UGT1A7: variants seen among roughly 807,000 people sequenced by gnomAD.
UGT1A7 encodes the protein UDP glucuronosyltransferase family 1 member A7, also known as UDP-glucuronosyltransferase 1A7.
A neutral mutation model predicts 45.6 loss-of-function variants in UGT1A7; 33 were observed. The observed-to-expected ratio is 0.72, with a 90% confidence interval of 0.55 to 0.97. UGT1A7 has a LOEUF of 0.97. Ranked by LOEUF, UGT1A7 falls within the 50% of genes least tolerant of loss-of-function variation. UGT1A7 has a pLI of 0.00. For missense variants in UGT1A7, 684 were observed against 666.2 expected, an observed-to-expected ratio of 1.03 and a Z score of -0.29; for synonymous variants, 274 against 250.6, an observed-to-expected ratio of 1.09 and a Z score of -0.88.
intron 1 of UGT1A7, among the ~76,000 whole-genome samples, chr2:233,746,400 G>T (rs1245323229): frequency 6.6e-6 from 1 of 151,734 alleles, no homozygotes. Context: ...GGAGCTGGGA[G>T]TGTGTCCAAT....
At chr2:233,693,800 C>T (rs1424958216) in intron 1 of UGT1A7, 1 of 1,614,174 alleles carries the variant, frequency 6.2e-7, no homozygotes, top group Non-Finnish European at 8.5e-7. Flanking sequence ...ATATCCTAGG[C>T]CGGTCATGCC....
Position 233,747,172 on chromosome 2 carries a change from C to A in UGT1A7, c.856-19862C>A. 9 of 1,596,738 alleles carry A rather than the reference C, an allele frequency of 5.6e-6. No homozygotes were observed. The South Asian group carries it at 1.0e-4, about 18-fold the overall frequency. On this transcript the variant is annotated intron_variant, in intron 1 of 4. Transcript: ENST00000373426. Reference sequence around the variant, plus strand: ...ATGAAGAAAACAAATGTAGGAGGCACAGCGTGGGGTGGACAGTCAGCTGTC... The same window carrying A: ...ATGAAGAAAACAAATGTAGGAGGCAAAGCGTGGGGTGGACAGTCAGCTGTC...
At chr2:233,748,012 G>C (rs911822936) in intron 1 of UGT1A7, 2 of 1,613,354 alleles carry the variant, frequency 1.2e-6, no homozygotes, top group Non-Finnish European at 1.7e-6. Context: ...GATTACCCCA[G>C]GCCGATCATG....
intron 1 of UGT1A7, among the ~76,000 whole-genome samples, chr2:233,758,094 G>A (rs1428723700): frequency 6.6e-6 from 1 of 152,162 alleles, no homozygotes; most frequent in Non-Finnish European, 1.5e-5. Flanking sequence ...CATAGTGACT[G>A]CCATCCAGTA....
At chr2:233,691,154 G>A in intron 1 of UGT1A7, 2 of 985,746 alleles carry the variant, frequency 2.0e-6, no homozygotes, top group Non-Finnish European at 2.4e-6. Flanking sequence ...GTTCTTTGAA[G>A]GAAACCTGCC....
At position 233,725,210 on chromosome 2, in the gene UGT1A7, AGAGGCAGAG is replaced by A. The variant is rs55801126; in HGVS notation, c.856-41813_856-41805del. The stretch of plus-strand genomic sequence containing the variant: ...CAGAGGCAGAGGCAGAGGCAGAGGC[AGAGGCAGAG>A]GAGGCAGAGGCAGAGGAGGCAGAGG... On this transcript the variant is annotated intron_variant, in intron 1 of 4. Transcript: ENST00000373426. 6.2e-4 allele frequency among the ~76,000 whole-genome samples: 55 copies of A among 88,388 alleles called. 3 individuals are homozygous for A. The highest frequency in any genetic ancestry group is 1.8e-3 in the South Asian group (4 of 2,232). 58.0% of individuals were successfully genotyped at this position (88,388 alleles called of 152,430 possible).
At chr2:233,691,426 G>A in intron 1 of UGT1A7, 1 of 985,576 alleles carries the variant, frequency 1.0e-6, no homozygotes, top group South Asian at 4.7e-5. Flanking sequence ...CTCTAATCAT[G>A]TTGCTCAGGC....
chr2:233,718,386 A>T (rs1466849872), intron 1 of UGT1A7, among the ~76,000 whole-genome samples: 1 of 152,240 alleles, frequency 6.6e-6, no homozygotes, highest in East Asian at 1.9e-4. Context: ...AAGAGTTTCA[A>T]GGGTTAGCAA....
At chr2:233,761,196 T>G (rs761284519) in intron 1 of UGT1A7, 1 of 1,614,142 alleles carries the variant, frequency 6.2e-7, no homozygotes. Context: ...TTCTTTCAGA[T>G]GTATTACTTT....
intron 1 of UGT1A7, among the ~76,000 whole-genome samples, chr2:233,742,513 G>C (rs934347498): frequency 6.6e-6 from 1 of 151,822 alleles, no homozygotes; most frequent in Non-Finnish European, 1.5e-5. Context: ...TCATGAACAC[G>C]TCACAGTGCT....
chr2:233,689,458 A>T (rs933476239), intron 1 of UGT1A7, among the ~76,000 whole-genome samples: 2 of 152,272 alleles, frequency 1.3e-5, no homozygotes, highest in Non-Finnish European at 2.9e-5. Flanking sequence ...GATACATTTT[A>T]GGAAAACAGA....
chr2:233,743,232 T>C, intron 1 of UGT1A7: 1 of 418,014 alleles, frequency 2.4e-6, no homozygotes, highest in Non-Finnish European at 4.7e-6. Context: ...CTATTTATTA[T>C]GAAGGACTTT....
At chr2:233,753,727 C>T (rs767953067) in intron 1 of UGT1A7, 2 of 152,174 alleles carry the variant, frequency 1.3e-5, no homozygotes, top group African/African-American at 2.4e-5. Flanking sequence ...ATTTGATATG[C>T]CCCAAGCACA....
chr2:233,693,457 A>G, intron 1 of UGT1A7: 1 of 1,614,086 alleles, frequency 6.2e-7, no homozygotes, highest in African/African-American at 1.3e-5. Context: ...TCACAGACCC[A>G]GCCTTACCCT....
intron 1 of UGT1A7, among the ~76,000 whole-genome samples, chr2:233,699,813 T>C (rs1466626716): frequency 1.3e-5 from 2 of 152,226 alleles, no homozygotes; most frequent in African/African-American, 4.8e-5. Flanking sequence ...GTCATCTAAA[T>C]AGTAGTTCTC....
intron 1 of UGT1A7, chr2:233,713,152 G>A (rs1219842752): frequency 6.2e-7 from 1 of 1,614,236 alleles, no homozygotes; most frequent in Non-Finnish European, 8.5e-7. Flanking sequence ...CTCCATGCGA[G>A]AGGCCACCAG....
chr2:233,725,050 G>C (rs2077352447), intron 1 of UGT1A7, among the ~76,000 whole-genome samples: 1 of 147,798 alleles, frequency 6.8e-6, no homozygotes, highest in South Asian at 2.3e-4. Flanking sequence ...AGTCAGGCGT[G>C]GCGGCGCGCG....
intron 1 of UGT1A7, among the ~76,000 whole-genome samples, chr2:233,757,541 T>TATAC (rs1229454769): frequency 1.7e-5 from 2 of 117,592 alleles, no homozygotes; most frequent in Non-Finnish European, 3.6e-5. Flanking sequence ...AAGGAATATA[T>TATAC]ATATATATAT....
chr2:233,719,768 T>C, intron 1 of UGT1A7: 1 of 1,611,854 alleles, frequency 6.2e-7, no homozygotes. Flanking sequence ...AGTGCTTCCA[T>C]ATCTACTTAT....
Sources: allele counts gnomAD v4.1 joint callset (sites outside exome capture counted in the v4.1 genomes callset), GRCh38; gene constraint gnomAD v4.1.1; transcripts MANE v1.5; gene names NCBI Gene and HGNC (gene_info 2026-07-23, HGNC 2026-07-21).